The following RAPGEF3 variants were observed in gnomAD, a reference collection of about 807,000 sequenced individuals.
The protein encoded by RAPGEF3 is 9330170P05Rik.
RAPGEF3 carries 103 observed loss-of-function variants against 129.8 expected under a neutral mutation model. The ratio of observed to expected loss-of-function variants is 0.79; its 90% CI spans 0.68 to 0.93. The LOEUF is 0.93. Ranked by LOEUF, RAPGEF3 falls within the 40% of genes least tolerant of loss-of-function variation. The pLI is 0.00. For synonymous variants in RAPGEF3, 436 were observed against 482.6 expected (o/e 0.90, Z 1.26); for missense variants, 1,117 against 1,207.4 (o/e 0.93, Z 1.11).
chr12:47,742,898 T>G (rs1941239422), intron 18 of RAPGEF3, among the ~76,000 whole-genome samples: 1 of 152,178 alleles, frequency 6.6e-6, no homozygotes, highest in African/African-American at 2.4e-5. Flanking sequence ...TCCTAACATA[T>G]TGCTGGCTCA....
At position 47,737,586 on chromosome 12, in the gene RAPGEF3, G is replaced by C; in HGVS notation, c.2753C>G (p.Ser918Cys). 1 of 1,596,788 alleles carries C rather than the reference G, an allele frequency of 6.3e-7. No individual in the cohort carries two copies. The change falls in exon 28 of 28, where the codon TCC becomes TGC. Residue 918 changes from serine to cysteine, a missense_variant. By Grantham distance (112) the Ser-to-Cys change is moderately radical (BLOSUM62 -1). Transcript: ENST00000449771. Reference sequence around the variant, plus strand: ...CCCTCCTCATGGCTCCAGCTCTCGGGAGAGGCGGGAGAGTTCCCGCTGGTT... The same window carrying C: ...CCCTCCTCATGGCTCCAGCTCTCGGCAGAGGCGGGAGAGTTCCCGCTGGTT... ...IDNQRELSRLSRELEP is the reference protein window; with the variant it reads ...IDNQRELSRLCRELEP
Position 47,748,104 on chromosome 12 carries a change from C to T in RAPGEF3, c.1292G>A (p.Ser431Asn), listed in dbSNP as rs1185069962. Residue 431 changes from serine to asparagine, a missense_variant, in exon 13 of 28, where the codon AGC (serine) becomes AAC (asparagine). Transcript: ENST00000449771. ...FLLTHRVFMPSAQLCAALLHH... is the reference protein window; with the variant it reads ...FLLTHRVFMPNAQLCAALLHH... ...CAGAAGGGCAGCGCAGAGTTGGGCGCTGGGCATGAAGACCCTGTGGGTCAG... is the reference window on the plus strand; with the variant it reads ...CAGAAGGGCAGCGCAGAGTTGGGCGTTGGGCATGAAGACCCTGTGGGTCAG... 1 of 1,589,382 alleles carries T rather than the reference C, an allele frequency of 6.3e-7. No individual in the cohort carries two copies. Among genetic ancestry groups the T allele is most frequent in the Non-Finnish European group, 8.6e-7 (1 of 1,167,580 alleles).
Position 47,750,421 on chromosome 12 carries a change from C to T in RAPGEF3, c.676G>A (p.Gly226Ser). The T allele has an allele frequency of 6.2e-7, 1 of 1,613,178 alleles. No homozygotes were observed. Among genetic ancestry groups the T allele is most frequent in the East Asian group, 2.2e-5 (1 of 44,856 alleles). ...LLTVALRKPP[G>S]QRTDEELDLI... Reference sequence around the variant, plus strand: ...TCCAGCTCTTCATCCGTGCGCTGACCTGGGCTGCAGGGACAGGAGGAATGG... The same window carrying T: ...TCCAGCTCTTCATCCGTGCGCTGACTTGGGCTGCAGGGACAGGAGGAATGG... The change falls in exon 7 of 28, where the codon GGT (glycine) becomes AGT (serine). Residue 226 changes from glycine to serine, a missense_variant. By Grantham distance (56) the Gly-to-Ser change is moderately conservative (BLOSUM62 0). Around this residue, in one of 3 missense-constraint regions of RAPGEF3, gnomAD observed 367 missense variants for 373.4 expected, o/e 0.98. Coordinates refer to ENST00000449771, the MANE Select transcript of RAPGEF3 (RefSeq NM_001098531.4).
Position 47,740,632 on chromosome 12 carries a change from A to G in RAPGEF3, c.2231+10T>C, listed in dbSNP as rs201565298. On this transcript the variant is annotated intron_variant, in intron 21 of 27. Coordinates refer to ENST00000449771, the MANE Select transcript of RAPGEF3 (RefSeq NM_001098531.4). ...TCTGGCCACGCCCTACCCACTGGAC[A>G]GGGACTCACTGGGCCGCCAGCTTAA... The G allele has an allele frequency of 1.4e-5, 23 of 1,613,174 alleles. No individual in the cohort carries two copies. The African/African-American group carries it at 2.5e-4, about 18-fold the overall frequency.
rs747789912 is a variant in RAPGEF3, at chr12:47,751,725, A to G, written c.378T>C (p.Tyr126=). 10 of 1,612,738 alleles carry G rather than the reference A, an allele frequency of 6.2e-6. No homozygotes were observed. In the African/African-American group the frequency reaches 1.3e-4, roughly 22 times the overall value. Residue 126 remains tyrosine, a splice_region_variant and synonymous_variant, in exon 4 of 28, where the codon TAT becomes TAC. Coordinates refer to ENST00000449771, the MANE Select transcript of RAPGEF3 (RefSeq NM_001098531.4). ...GAGGCAGCAGGGCCTCCACTCACCGATAGAGCCTAAGGTGGTACTTCCGGT... is the reference window on the plus strand; with the variant it reads ...GAGGCAGCAGGGCCTCCACTCACCGGTAGAGCCTAAGGTGGTACTTCCGGT... ...IRDRKYHLRL[Y]RQCCSGRELV...
chr12:47,749,912 A>G lies in RAPGEF3; in HGVS notation c.817+18T>C, dbSNP rs1257433409. 6.2e-7 allele frequency: 1 copy of G among 1,614,110 alleles called. No individual in the cohort carries two copies. ...GTCCAGGCCCTGTGCCTGGCTTCTT[A>G]TGCCCTGCTGGACTTACACACGGTC... On this transcript the variant is annotated intron_variant, in intron 8 of 27. Transcript: ENST00000449771. The surrounding 1 kb of genome is among the most constrained non-coding windows in gnomAD (Gnocchi z 4.5).
In RAPGEF3 at chr12:47,749,735, G is replaced by C. The variant is rs765517567; in HGVS notation, c.894+6C>G. The C allele has an allele frequency of 2.5e-6, 4 of 1,614,062 alleles. No individual in the cohort carries two copies. Among genetic ancestry groups the C allele is most frequent in the Non-Finnish European group, 3.4e-6 (4 of 1,179,976 alleles). ...GGCACTGGGGTGGGGAGGAGGGAGG[G>C]CTCACCTTGCCATGGGTCACCACGT... On this transcript the variant is annotated splice_donor_region_variant and intron_variant, in intron 9 of 27. Transcript: ENST00000449771. This position sits in a 1 kb window ranked among gnomAD's most constrained non-coding sequence, Gnocchi z 4.5.
At position 47,758,581 on chromosome 12, in the gene RAPGEF3, G is replaced by C. The variant is rs750531972; in HGVS notation, c.-25C>G. 1.9e-6 allele frequency: 3 copies of C among 1,613,700 alleles called. No individual in the cohort carries two copies. Among genetic ancestry groups the C allele is most frequent in the South Asian group, 2.2e-5 (2 of 91,004 alleles). On this transcript the variant is annotated 5_prime_UTR_variant, in exon 1 of 28. Coordinates refer to ENST00000449771, the MANE Select transcript of RAPGEF3 (RefSeq NM_001098531.4). Reference sequence around the variant, plus strand: ...TGTTTCTTTTCAAGCTCGCACAGCCGTGCAGGCTCTAGCAAAAGGCTGGGG... The same window carrying C: ...TGTTTCTTTTCAAGCTCGCACAGCCCTGCAGGCTCTAGCAAAAGGCTGGGG...
chr12:47,750,449 G>T (rs767341950), intron 6 of RAPGEF3, 24 bp from the exon 7 acceptor site: 1 of 1,601,640 alleles, frequency 6.2e-7, no homozygotes, highest in South Asian at 1.1e-5. Context: ...AGGAATGGGA[G>T]CACACTGTGA....
At chr12:47,747,040 G>A (rs765483542) in intron 15 of RAPGEF3, 141 bp from the exon 16 acceptor site, 6 of 792,450 alleles carry the variant, frequency 7.6e-6, no homozygotes, top group Non-Finnish European at 1.2e-5. Context: ...CACATAAAGA[G>A]GGGAGAACAC....
chr12:47,746,012 TCA>T (rs1436092731), intron 16 of RAPGEF3: 1 of 151,926 alleles, frequency 6.6e-6, no homozygotes, highest in Non-Finnish European at 1.5e-5. Flanking sequence ...TTGAAGAAAA[TCA>T]CAGAGGACAC....
At chr12:47,753,532 C>T (rs142353124) in intron 2 of RAPGEF3, among the ~76,000 whole-genome samples, 21 of 152,326 alleles carry the variant, frequency 1.4e-4, no homozygotes, top group East Asian at 1.3e-3. Context: ...CAGGGCTGGG[C>T]GGAAGTCACT....
rs78547630 is a variant in RAPGEF3, at chr12:47,742,459, T to C, written c.1826-857A>G. 1.3e-4 allele frequency among the ~76,000 whole-genome samples: 20 copies of C among 152,298 alleles called. 1 individual carries two copies. In the East Asian group the frequency reaches 3.9e-3, roughly 29 times the overall value. Reference sequence around the variant, plus strand: ...CACACAGGTGACCATCTCTCCCCACTTCCTGAAGGGAGAAGGCTTTTCTTT... The same window carrying C: ...CACACAGGTGACCATCTCTCCCCACCTCCTGAAGGGAGAAGGCTTTTCTTT... On this transcript the variant is annotated intron_variant, in intron 18 of 27. Transcript: ENST00000449771.
chr12:47,746,840 A>G lies in RAPGEF3; in HGVS notation c.1596+20T>C, dbSNP rs1941450176. The G allele has an allele frequency of 1.3e-6, 2 of 1,583,752 alleles. No homozygotes were observed. The highest frequency in any genetic ancestry group is 1.9e-5 in the Admixed American group (1 of 51,758). ...CAGTCCAGGAGGAGCAGAGGAAAGA[A>G]ACTGGGGCCAGGCAGACACCTTCAT... On this transcript the variant is annotated intron_variant, in intron 16 of 27. Transcript: ENST00000449771.
intron 6 of RAPGEF3, among the ~76,000 whole-genome samples, 192 bp downstream of exon 6, chr12:47,750,856 G>GT (rs1393370121): frequency 2.0e-5 from 3 of 152,200 alleles, no homozygotes; most frequent in Non-Finnish European, 2.9e-5. Context: ...TGACTTGGGG[G>GT]GGTTTGGGAG....
chr12:47,751,498 G>A lies in RAPGEF3; in HGVS notation c.403C>T (p.Leu135=). 2 of 1,614,234 alleles carry A rather than the reference G, an allele frequency of 1.2e-6. No homozygotes were observed. Among genetic ancestry groups the A allele is most frequent in the Non-Finnish European group, 1.7e-6 (2 of 1,180,040 alleles). ...CCCAGGGCCAAGATCCCATCCACCA[G>A]CTCCCGGCCAGAGCAGCACTGCCTA... The part of the protein sequence containing the change: ...LYRQCCSGRE[L]VDGILALGLG... Residue 135 remains leucine (L), a synonymous_variant, in exon 5 of 28, where the codon CTG becomes TTG. Coordinates refer to ENST00000449771, the MANE Select transcript of RAPGEF3 (RefSeq NM_001098531.4).
Position 47,751,086 on chromosome 12 carries a change from C to T in RAPGEF3, c.633G>A (p.Arg211=), listed in dbSNP as rs150527328. ...LAEAVALLSQ[R]GPDALLTVAL... The stretch of plus-strand genomic sequence containing the variant: ...CCACAGTGAGCAGGGCGTCAGGCCC[C>T]CGCTGGGAGAGCAGGGCCACAGCTT... The change falls in exon 6 of 28, where the codon CGG becomes CGA. Residue 211 remains arginine, a synonymous_variant. Coordinates refer to ENST00000449771, the MANE Select transcript of RAPGEF3 (RefSeq NM_001098531.4). The T allele has an allele frequency of 2.5e-6, 4 of 1,593,992 alleles. No homozygotes were observed. The highest frequency in any genetic ancestry group is 3.4e-6 in the Non-Finnish European group (4 of 1,171,310).
intron 2 of RAPGEF3, among the ~76,000 whole-genome samples, chr12:47,756,851 C>T (rs530354461): frequency 6.6e-5 from 10 of 151,956 alleles, no homozygotes; most frequent in African/African-American, 2.4e-4. Context: ...CACCTGTAGC[C>T]CCAGCTACTC....
rs2136721154 is a variant in RAPGEF3 at position 47,737,354 on chromosome 12, AT to A, written c.*212del. The A allele has an allele frequency of 1.7e-6, 1 of 574,510 alleles. No homozygotes were observed. Among genetic ancestry groups the A allele is most frequent in the East Asian group, 3.0e-5 (1 of 33,590 alleles). 35.6% of individuals were successfully genotyped at this position (574,510 alleles called of 1,614,324 possible). A position where few individuals can be genotyped will look rare whatever the true frequency, so the allele number is the denominator to read the frequency against. The stretch of plus-strand genomic sequence containing the variant: ...GTCCTCCCTTCCTTGGCCTTGGGTC[AT>A]TCGTTATTCCTGGCTCGGGTCCACT... On this transcript the variant is annotated 3_prime_UTR_variant, in exon 28 of 28. Transcript: ENST00000449771.
Sources: allele counts gnomAD v4.1 joint callset (sites outside exome capture counted in the v4.1 genomes callset), GRCh38; gene constraint gnomAD v4.1.1; regional missense constraint gnomAD v4.1.1; non-coding constraint Gnocchi (gnomAD v3.1); transcripts MANE v1.5; gene names NCBI Gene and HGNC (gene_info 2026-07-23, HGNC 2026-07-21).